The following SCFD2 variants were observed in gnomAD, a reference collection of about 807,000 sequenced individuals.
SCFD2 encodes the protein sec1 family domain-containing protein 2.
Under a neutral mutation model 58.9 loss-of-function variants are expected in SCFD2, and 54 were observed. The observed-to-expected ratio is 0.92, with a 90% CI of 0.74 to 1.15. The LOEUF is 1.15. Ranked by LOEUF, SCFD2 falls within the 50% of genes most tolerant of loss-of-function variation. The probability of loss-of-function intolerance (pLI) is 0.00; values close to 1 mark genes in which losing one functional copy is unlikely to be tolerated. For synonymous variants in SCFD2, 321 were observed against 335.9 expected (o/e 0.96, Z 0.49); for missense variants, 805 against 836.6 (o/e 0.96, Z 0.47).
At chr4:53,021,905 T>G (rs10024057) in intron 5 of SCFD2, among the ~76,000 whole-genome samples, 1 of 152,082 alleles carries the variant, frequency 6.6e-6, no homozygotes, top group African/African-American at 2.4e-5. Flanking sequence ...CACTCTATGA[T>G]GACTGGTGCC....
At chr4:53,275,227 A>G (rs1330723263) in intron 3 of SCFD2, among the ~76,000 whole-genome samples, 2 of 152,206 alleles carry the variant, frequency 1.3e-5, no homozygotes, top group Non-Finnish European at 2.9e-5. Context: ...AAAAGTAAAG[A>G]CCTTGCCACA....
chr4:52,926,874 C>T (rs931610389), intron 5 of SCFD2, among the ~76,000 whole-genome samples: 1 of 152,164 alleles, frequency 6.6e-6, no homozygotes, highest in African/African-American at 2.4e-5. Flanking sequence ...TCTGACAACG[C>T]CTTTTCTCTC....
rs142799453 is a variant in SCFD2 at position 53,047,002 on chromosome 4, A to G, written c.1561+98331T>C. Reference sequence around the variant, plus strand: ...TATGTGTTTTTGTGATGTGTGTAGTAATTATTTTCCCAAGTTTTGACTTCT... The same window carrying G: ...TATGTGTTTTTGTGATGTGTGTAGTGATTATTTTCCCAAGTTTTGACTTCT... On this transcript the variant is annotated intron_variant, in intron 5 of 8. Transcript: ENST00000401642. Among the ~76,000 whole-genome samples the G allele has an allele frequency of 2.1e-3, 314 of 152,166 alleles. 1 individual carries two copies. Among genetic ancestry groups the G allele is most frequent in the African/African-American group, 6.9e-3 (286 of 41,516 alleles).
intron 4 of SCFD2, among the ~76,000 whole-genome samples, chr4:53,201,879 T>C (rs913622187): frequency 1.3e-5 from 2 of 152,202 alleles, no homozygotes; most frequent in African/African-American, 4.8e-5. Context: ...GTTGTTTGAT[T>C]TTTTCTTGTA....
intron 5 of SCFD2, among the ~76,000 whole-genome samples, chr4:53,063,004 T>C (rs1276270256): frequency 3.9e-5 from 6 of 152,248 alleles, no homozygotes; most frequent in Admixed American, 2.6e-4. Context: ...AAACCATTCA[T>C]CTAGTAATTT....
At chr4:53,066,552 C>G (rs1723667911) in intron 5 of SCFD2, among the ~76,000 whole-genome samples, 1 of 152,048 alleles carries the variant, frequency 6.6e-6, no homozygotes, top group Non-Finnish European at 1.5e-5. Flanking sequence ...ATAGGTCCAG[C>G]AGAACATTCA....
chr4:53,244,404 C>T (rs1452656383), intron 4 of SCFD2, among the ~76,000 whole-genome samples: 1 of 152,032 alleles, frequency 6.6e-6, no homozygotes, highest in Non-Finnish European at 1.5e-5. Flanking sequence ...TCTCAGACCA[C>T]AGTATAATAA....
chr4:53,156,353 T>C (rs1440967753), intron 4 of SCFD2, among the ~76,000 whole-genome samples: 1 of 141,022 alleles, frequency 7.1e-6, no homozygotes, highest in Non-Finnish European at 1.5e-5. Flanking sequence ...GAGCTGAAGA[T>C]CATGCCATTG....
At chr4:53,122,789 T>C (rs1725518827) in intron 5 of SCFD2, among the ~76,000 whole-genome samples, 1 of 152,202 alleles carries the variant, frequency 6.6e-6, no homozygotes, top group Non-Finnish European at 1.5e-5. Flanking sequence ...TGAGGGAAAG[T>C]ACGCAAGGCA....
At chr4:53,212,607 T>TGTGTGC (rs1553887151) in intron 4 of SCFD2, among the ~76,000 whole-genome samples, 1 of 148,974 alleles carries the variant, frequency 6.7e-6, no homozygotes, top group Non-Finnish European at 1.5e-5. Flanking sequence ...TGTGTGTGTG[T>TGTGTGC]GCATGTGGTG....
chr4:52,951,187 C>T (rs1367727296), intron 5 of SCFD2, among the ~76,000 whole-genome samples: 1 of 152,152 alleles, frequency 6.6e-6, no homozygotes, highest in Non-Finnish European at 1.5e-5. Context: ...TCCCTCCCTT[C>T]CTTCCTCCCT....
chr4:52,941,702 G>T (rs1019800680), intron 5 of SCFD2, among the ~76,000 whole-genome samples: 1 of 152,246 alleles, frequency 6.6e-6, no homozygotes, highest in African/African-American at 2.4e-5. Flanking sequence ...CAGAGGGCCT[G>T]CCCTGATAGG....
Position 53,204,546 on chromosome 4 carries a change from TAACA to T in SCFD2, c.1312-58968_1312-58965del, listed in dbSNP as rs535193485. ...AAGAAAAAAAAGAAGACAAAAGAAA[TAACA>T]AACAAGAGGAAAAAGGTTAAAAAAC... On this transcript the variant is annotated intron_variant, in intron 4 of 8. Transcript: ENST00000401642. Among the ~76,000 whole-genome samples the T allele has an allele frequency of 7.6e-4, 114 of 149,200 alleles. 1 individual carries two copies. The highest frequency in any genetic ancestry group is 2.7e-3 in the African/African-American group (109 of 40,386).
chr4:53,216,673 T>C (rs1161300299), intron 4 of SCFD2, among the ~76,000 whole-genome samples: 1 of 152,230 alleles, frequency 6.6e-6, no homozygotes, highest in Non-Finnish European at 1.5e-5. Flanking sequence ...CTTAGTTATT[T>C]CTCGCCTTCT....
intron 4 of SCFD2, among the ~76,000 whole-genome samples, chr4:53,163,502 T>C (rs1459643752): frequency 6.6e-6 from 1 of 152,108 alleles, no homozygotes; most frequent in Admixed American, 6.5e-5. Flanking sequence ...GGTGGGCAGA[T>C]CACTTGAGGT....
intron 4 of SCFD2, among the ~76,000 whole-genome samples, chr4:53,237,212 A>T (rs1349625021): frequency 6.7e-6 from 1 of 149,292 alleles, no homozygotes; most frequent in Admixed American, 6.7e-5. Flanking sequence ...AGTACAGAAC[A>T]AAATGAAAAG....
intron 1 of SCFD2, among the ~76,000 whole-genome samples, chr4:53,353,862 G>T (rs937779308): frequency 7.1e-6 from 1 of 140,238 alleles, no homozygotes; most frequent in African/African-American, 2.9e-5. Flanking sequence ...AGCACTGATT[G>T]GTGCATTTAC....
chr4:53,197,390 T>C (rs1042826600), intron 4 of SCFD2, among the ~76,000 whole-genome samples: 5 of 152,038 alleles, frequency 3.3e-5, no homozygotes, highest in African/African-American at 1.2e-4. Context: ...GGCAGTATTG[T>C]AACATCATGC....
At chr4:52,971,094 C>A (rs1015900848) in intron 5 of SCFD2, among the ~76,000 whole-genome samples, 1 of 152,136 alleles carries the variant, frequency 6.6e-6, no homozygotes, top group South Asian at 2.1e-4. Context: ...ACCAGAAACT[C>A]GAAAAATCAG....
Sources: gnomAD v4.1 joint callset for allele counts (sites outside exome capture counted in the v4.1 genomes callset) on GRCh38, gnomAD v4.1.1 for gene constraint, MANE v1.5 for transcripts, NCBI Gene and HGNC (gene_info 2026-07-23, HGNC 2026-07-21) for gene names.